The following DOCK8 variants were observed in gnomAD, a reference collection of about 807,000 sequenced individuals.
DOCK8 encodes dedicator of cytokinesis protein 8.
A neutral mutation model predicts 245.6 loss-of-function variants in DOCK8; 141 were observed. The ratio of observed to expected loss-of-function variants is 0.57; its 90% CI spans 0.50 to 0.66. The LOEUF is 0.66. Among genes scored for constraint, DOCK8 ranks in the 30% least tolerant of loss-of-function variants. The pLI is 0.00. For missense variants in DOCK8, 2,965 were observed against 2,603.4 expected, an observed-to-expected ratio of 1.14 and a Z score of -3.02; for synonymous variants, 1,168 against 970.2, an observed-to-expected ratio of 1.20 and a Z score of -3.79.
intron 10 of DOCK8, among the ~76,000 whole-genome samples, 189 bp downstream of exon 10, chr9:332,667 T>C (rs2130862027): frequency 6.8e-6 from 1 of 146,182 alleles, no homozygotes. Context: ...TTTTTTTTTT[T>C]TTTTTTTTGA....
chr9:217,908 A>T (rs141509947), intron 1 of DOCK8, among the ~76,000 whole-genome samples: 196 of 152,294 alleles, frequency 1.3e-3, no homozygotes, highest in African/African-American at 4.6e-3. Flanking sequence ...TGCTCCAAAG[A>T]CTGTGCTCTT....
chr9:368,396 T>C, intron 15 of DOCK8: 2 of 671,860 alleles, frequency 3.0e-6, no homozygotes, highest in Non-Finnish European at 5.5e-6. Context: ...CATAAAGTCT[T>C]TCCATACTGC....
intron 39 of DOCK8, among the ~76,000 whole-genome samples, chr9:437,103 A>G (rs1357778020): frequency 1.3e-5 from 2 of 152,224 alleles, no homozygotes; most frequent in African/African-American, 4.8e-5. Context: ...TACCAAATCA[A>G]TTTGGAAATG....
In DOCK8 at chr9:446,223, T is replaced by C; in HGVS notation, c.5581-147T>C. ...GGGGGTGGAGAGGAGGAACTTCTGC[T>C]GGCCACATTCTCCCCTGCATCTGTA... On this transcript the variant is annotated intron_variant, in intron 43 of 47. Transcript: ENST00000432829. 5.3e-6 allele frequency: 4 copies of C among 750,586 alleles called. No individual in the cohort carries two copies. The South Asian group carries it at 5.7e-5, about 11-fold the overall frequency. 46.5% of individuals were successfully genotyped at this position (750,586 alleles called of 1,614,324 possible).
chr9:423,180 C>A, intron 33 of DOCK8, among the ~76,000 whole-genome samples: 1 of 151,254 alleles, frequency 6.6e-6, no homozygotes, highest in Admixed American at 6.6e-5. Context: ...TATATTGTTA[C>A]CAGAAAAAAA....
intron 35 of DOCK8, among the ~76,000 whole-genome samples, chr9:429,036 C>A (rs1015836762): frequency 1.3e-5 from 2 of 152,210 alleles, no homozygotes; most frequent in African/African-American, 4.8e-5. Context: ...GGTACCATCT[C>A]AGCTCACTGC....
At chr9:308,608 C>G (rs2049953925) in intron 5 of DOCK8, among the ~76,000 whole-genome samples, 1 of 152,122 alleles carries the variant, frequency 6.6e-6, no homozygotes, top group Non-Finnish European at 1.5e-5. Flanking sequence ...GCAAAACTTC[C>G]TTTTTCATAT....
At chr9:443,659 A>T (rs1412000426) in intron 43 of DOCK8, 143 bp downstream of exon 43, 1 of 664,848 alleles carries the variant, frequency 1.5e-6, no homozygotes, top group African/African-American at 1.8e-5. Context: ...TCAACTACTA[A>T]TTGGTCAGAT....
intron 46 of DOCK8, among the ~76,000 whole-genome samples, chr9:455,170 T>A (rs2131912197): frequency 6.6e-6 from 1 of 152,286 alleles, no homozygotes; most frequent in South Asian, 2.1e-4. Flanking sequence ...CAGACTTCAC[T>A]GTTCTTACAC....
chr9:410,636 C>T (rs2055678957), intron 28 of DOCK8, among the ~76,000 whole-genome samples: 1 of 152,016 alleles, frequency 6.6e-6, no homozygotes, highest in East Asian at 1.9e-4. Flanking sequence ...ATGGTCTTAA[C>T]AAAATGTCAA....
At chr9:365,122 C>A (rs772062149) in intron 14 of DOCK8, among the ~76,000 whole-genome samples, 1 of 152,174 alleles carries the variant, frequency 6.6e-6, no homozygotes, top group Non-Finnish European at 1.5e-5. Context: ...GGACCCATGA[C>A]GAAAAGTTTG....
chr9:214,814 G>A (rs1192879924), upstream of DOCK8: 1 of 1,594,772 alleles, frequency 6.3e-7, no homozygotes, highest in Admixed American at 1.7e-5. Flanking sequence ...ACCCTCCCCC[G>A]GGGTGATTTC....
intron 2 of DOCK8, among the ~76,000 whole-genome samples, chr9:282,331 A>G (rs2048622451): frequency 6.6e-6 from 1 of 151,650 alleles, no homozygotes; most frequent in Admixed American, 6.6e-5. Context: ...TGTAGATAAC[A>G]GGGGCCGTTA....
chr9:304,349 C>T (rs956165681), intron 4 of DOCK8, among the ~76,000 whole-genome samples: 2 of 152,162 alleles, frequency 1.3e-5, no homozygotes, highest in African/African-American at 2.4e-5. Flanking sequence ...TTTCCCAGGC[C>T]ATGCCTCCCT....
intron 21 of DOCK8, 111 bp from the exon 22 acceptor site, chr9:382,402 G>A: frequency 6.9e-7 from 1 of 1,458,998 alleles, no homozygotes; most frequent in South Asian, 1.1e-5. Context: ...TAATTCCAAG[G>A]CCTAATCCGG....
intron 1 of DOCK8, among the ~76,000 whole-genome samples, chr9:266,956 T>C (rs1314502364): frequency 2.0e-5 from 3 of 152,174 alleles, no homozygotes; most frequent in African/African-American, 7.2e-5. Context: ...CCACACACAG[T>C]ACCTGCATGG....
intron 4 of DOCK8, among the ~76,000 whole-genome samples, chr9:299,131 T>G (rs1476054307): frequency 6.6e-6 from 1 of 152,186 alleles, no homozygotes; most frequent in Non-Finnish European, 1.5e-5. Context: ...TTGAGTTGGT[T>G]TTTGTCCCCT....
intron 14 of DOCK8, among the ~76,000 whole-genome samples, chr9:351,332 G>C (rs1480284023): frequency 6.6e-6 from 1 of 152,166 alleles, no homozygotes; most frequent in Non-Finnish European, 1.5e-5. Context: ...TCTTGGGCAG[G>C]TCAGAAGGAC....
intron 26 of DOCK8, among the ~76,000 whole-genome samples, chr9:404,010 A>G (rs1006905919): frequency 4.4e-5 from 6 of 135,498 alleles, no homozygotes; most frequent in Admixed American, 1.5e-4. Flanking sequence ...ATATATATAT[A>G]TAGTTTAAAA....
Sources: allele counts gnomAD v4.1 joint callset (sites outside exome capture counted in the v4.1 genomes callset), GRCh38; gene constraint gnomAD v4.1.1; transcripts MANE v1.5; gene names NCBI Gene and HGNC (gene_info 2026-07-23, HGNC 2026-07-21).